The following KCNMA1 variants were observed in gnomAD, a reference collection of about 807,000 sequenced individuals.
The protein encoded by KCNMA1 is potassium calcium-activated channel subfamily M alpha 1.
Under a neutral mutation model 140.0 loss-of-function variants are expected in KCNMA1, and 29 were observed. That is an observed-to-expected ratio of 0.21 (90% CI 0.15 to 0.28). The LOEUF is 0.28. KCNMA1 is among the 10% of genes least tolerant of loss of function. The pLI is 1.00. For missense variants in KCNMA1, 880 were observed against 1,602.2 expected, an observed-to-expected ratio of 0.55 and a Z score of 7.70; for synonymous variants, 612 against 611.9, an observed-to-expected ratio of 1.00 and a Z score of 0.00.
At chr10:76,995,789 A>G in intron 19 of KCNMA1, 1 of 424,098 alleles carries the variant, frequency 2.4e-6, no homozygotes, top group Non-Finnish European at 4.8e-6. Context: ...GAGGCATGCC[A>G]ACATCTTTTC....
At chr10:77,501,671 G>A (rs111613954) in intron 1 of KCNMA1, among the ~76,000 whole-genome samples, 4,500 of 152,226 alleles carry the variant, frequency 0.03, 90 homozygotes, top group Non-Finnish European at 0.045. Flanking sequence ...TGGGCCCCTC[G>A]TCTCTGCAGA....
intron 6 of KCNMA1, among the ~76,000 whole-genome samples, chr10:77,114,901 T>C (rs748227954): frequency 3.3e-5 from 5 of 152,224 alleles, no homozygotes; most frequent in Non-Finnish European, 5.9e-5. Flanking sequence ...TTTTGGTCAG[T>C]TCATCTCTGT....
chr10:77,246,022 C>T (rs1342747492), intron 3 of KCNMA1, among the ~76,000 whole-genome samples: 1 of 152,180 alleles, frequency 6.6e-6, no homozygotes, highest in Non-Finnish European at 1.5e-5. Context: ...CCTACGTACC[C>T]ACAACTGCAC....
intron 14 of KCNMA1, among the ~76,000 whole-genome samples, chr10:77,042,975 G>A (rs929202508): frequency 6.6e-6 from 1 of 152,186 alleles, no homozygotes; most frequent in African/African-American, 2.4e-5. Context: ...AGCACCAGAT[G>A]TATCTGACTA....
chr10:76,976,921 C>A (rs147942929), intron 19 of KCNMA1, among the ~76,000 whole-genome samples: 1 of 152,066 alleles, frequency 6.6e-6, no homozygotes, highest in Non-Finnish European at 1.5e-5. Context: ...AAGAAAAATT[C>A]GAGAACTTCC....
chr10:77,065,938 C>A (rs1027073666), intron 14 of KCNMA1, among the ~76,000 whole-genome samples: 1 of 152,110 alleles, frequency 6.6e-6, no homozygotes, highest in Non-Finnish European at 1.5e-5. Context: ...CCAGAGGGAA[C>A]AAGAAGTAAA....
intron 2 of KCNMA1, among the ~76,000 whole-genome samples, chr10:77,351,578 A>G (rs2092891400): frequency 6.6e-6 from 1 of 152,096 alleles, no homozygotes; most frequent in Non-Finnish European, 1.5e-5. Flanking sequence ...TTGCTTTCTT[A>G]TTACCCCAGA....
chr10:76,878,812 A>C (rs1054885404), intron 29 of KCNMA1, among the ~76,000 whole-genome samples: 2 of 152,044 alleles, frequency 1.3e-5, no homozygotes, highest in African/African-American at 2.4e-5. Flanking sequence ...CCTCATCCCC[A>C]CCTCTTTCTA....
intron 19 of KCNMA1, among the ~76,000 whole-genome samples, chr10:76,995,002 C>A (rs1201053628): frequency 6.6e-6 from 1 of 152,188 alleles, no homozygotes; most frequent in Non-Finnish European, 1.5e-5. Context: ...CCACAAGCCT[C>A]TCTCGAGTGA....
chr10:77,008,348 T>G (rs1431443367), intron 18 of KCNMA1, among the ~76,000 whole-genome samples: 1 of 152,158 alleles, frequency 6.6e-6, no homozygotes, highest in Non-Finnish European at 1.5e-5. Flanking sequence ...GTCCACACTT[T>G]GGCAAACTTT....
chr10:77,289,958 C>G (rs1601427950), intron 2 of KCNMA1, among the ~76,000 whole-genome samples: 1 of 152,294 alleles, frequency 6.6e-6, no homozygotes, highest in Admixed American at 6.5e-5. Flanking sequence ...CCTGTGGATT[C>G]TCCTTATTTG....
intron 2 of KCNMA1, among the ~76,000 whole-genome samples, chr10:77,253,464 G>A (rs2060078126): frequency 6.6e-6 from 1 of 152,232 alleles, no homozygotes; most frequent in African/African-American, 2.4e-5. Flanking sequence ...GCATCCAGAT[G>A]GCCAATGTAG....
At chr10:77,569,837 T>C (rs2070192918) in intron 1 of KCNMA1, among the ~76,000 whole-genome samples, 1 of 152,124 alleles carries the variant, frequency 6.6e-6, no homozygotes, top group African/African-American at 2.4e-5. Context: ...AACCTACTCA[T>C]CTGACAAAGG....
Position 77,272,375 on chromosome 10 carries a change from C to A in KCNMA1, c.541-21119G>T, listed in dbSNP as rs78096857. On this transcript the variant is annotated intron_variant, in intron 2 of 27. Transcript: ENST00000286628. ...ATATTCCAAAGCACTTTCCATCTTT[C>A]ATATTTTGAAGGCAGTCAATTCCAT... 5.3e-3 allele frequency among the ~76,000 whole-genome samples: 807 copies of A among 152,236 alleles called. 3 individuals carry two copies. The highest frequency in any genetic ancestry group is 0.018 in the African/African-American group (768 of 41,560).
intron 2 of KCNMA1, among the ~76,000 whole-genome samples, chr10:77,363,870 C>G (rs567688870): frequency 1.3e-5 from 2 of 152,320 alleles, no homozygotes; most frequent in African/African-American, 4.8e-5. Context: ...ACTCCTGCCC[C>G]CTTCTCTCCT....
chr10:77,423,621 G>A (rs1201549616), intron 1 of KCNMA1, among the ~76,000 whole-genome samples: 1 of 152,154 alleles, frequency 6.6e-6, no homozygotes, highest in African/African-American at 2.4e-5. Flanking sequence ...GAGGCCACAG[G>A]ATGAAAAATC....
chr10:77,199,429 A>C (rs1021918832), intron 3 of KCNMA1, among the ~76,000 whole-genome samples: 2 of 152,180 alleles, frequency 1.3e-5, no homozygotes, highest in South Asian at 4.1e-4. Flanking sequence ...ATTACCTTGT[A>C]TGACCTTGGA....
intron 3 of KCNMA1, among the ~76,000 whole-genome samples, chr10:77,186,378 C>CAAA (rs57385699): frequency 9.5e-5 from 14 of 148,038 alleles, no homozygotes; most frequent in South Asian, 4.5e-4. Flanking sequence ...AAACAAAAAA[C>CAAA]AAAAAAAAAC....
rs184084231 is a variant in KCNMA1, at chr10:77,556,379, C to T, written c.378+80886G>A. Reference sequence around the variant, plus strand: ...AACTAGCCAGGCATAGTAGCATGTGCCTGTAATCCTAGTTACTCGGGAGGC... The same window carrying T: ...AACTAGCCAGGCATAGTAGCATGTGTCTGTAATCCTAGTTACTCGGGAGGC... On this transcript the variant is annotated intron_variant, in intron 1 of 27. Coordinates refer to ENST00000286628, the MANE Select transcript of KCNMA1 (RefSeq NM_001161352.2). 9.9e-4 allele frequency among the ~76,000 whole-genome samples: 150 copies of T among 151,634 alleles called. 1 individual carries two copies. Among genetic ancestry groups the T allele is most frequent in the Non-Finnish European group, 2.2e-4 (15 of 67,960 alleles).
Sources: gnomAD v4.1 joint callset for allele counts (sites outside exome capture counted in the v4.1 genomes callset) on GRCh38, gnomAD v4.1.1 for gene constraint, MANE v1.5 for transcripts, NCBI Gene and HGNC (gene_info 2026-07-23, HGNC 2026-07-21) for gene names.